SIRPG: variants seen among roughly 807,000 people sequenced by gnomAD.
SIRPG encodes the protein signal-regulatory protein gamma.
Under a neutral mutation model 35.7 loss-of-function variants are expected in SIRPG, and 38 were observed. That is an observed-to-expected ratio of 1.06 (90% CI 0.82 to 1.40). The LOEUF (loss-of-function observed/expected upper bound fraction) is 1.40, where lower values mean the gene tolerates loss of function less well. SIRPG is among the 40% of genes most tolerant of loss of function. The pLI, the probability that SIRPG is intolerant of heterozygous loss-of-function variation, is 0.00. For missense variants in SIRPG, 519 were observed against 483.0 expected (o/e 1.07, Z -0.70); for synonymous variants, 215 against 190.4 (o/e 1.13, Z -1.06).
the SIRPG span, among the ~76,000 whole-genome samples, chr20:1,677,858 A>G: frequency 6.6e-6 from 1 of 152,330 alleles, no homozygotes; most frequent in Middle Eastern, 3.4e-3. Context: ...CATGCCATAT[A>G]TCGACAACTA....
At chr20:1,654,246 A>AC in intron 1 of SIRPG, among the ~76,000 whole-genome samples, 1 of 151,972 alleles carries the variant, frequency 6.6e-6, no homozygotes, top group East Asian at 1.9e-4. Flanking sequence ...TAAAAAAAAA[A>AC]AAAAAAAGAA....
intron 2 of SIRPG, among the ~76,000 whole-genome samples, chr20:1,645,518 C>T (rs1395703875): frequency 1.3e-5 from 2 of 152,124 alleles, no homozygotes; most frequent in African/African-American, 2.4e-5. Context: ...GAGCACTGGC[C>T]CACCTGAGAT....
At chr20:1,681,237 A>C in the SIRPG span, among the ~76,000 whole-genome samples, 1 of 152,202 alleles carries the variant, frequency 6.6e-6, no homozygotes. Flanking sequence ...ACACCCCTGC[A>C]CACACTCATA....
At chr20:1,647,889 T>C (rs894635432) in intron 2 of SIRPG, 2 of 152,188 alleles carry the variant, frequency 1.3e-5, no homozygotes, top group Non-Finnish European at 2.9e-5. Flanking sequence ...CATGGTTCTG[T>C]TTGAGGAGCT....
At chr20:1,638,563 AT>A (rs2091823250) in intron 2 of SIRPG, 1 of 152,166 alleles carries the variant, frequency 6.6e-6, no homozygotes, top group African/African-American at 2.4e-5. Flanking sequence ...AGCTGGAAGC[AT>A]TTTGGAAGGA....
At chr20:1,683,090 C>T in the SIRPG span, among the ~76,000 whole-genome samples, 2 of 152,128 alleles carry the variant, frequency 1.3e-5, no homozygotes. Flanking sequence ...GGGCCAAAGA[C>T]CTGAATAGAC....
intron 1 of SIRPG, among the ~76,000 whole-genome samples, chr20:1,651,793 G>T (rs1404184690): frequency 6.6e-6 from 1 of 151,896 alleles, no homozygotes; most frequent in African/African-American, 2.4e-5. Context: ...TTGGAGTGCT[G>T]CCAAGACTCT....
chr20:1,683,965 G>A, the SIRPG span, among the ~76,000 whole-genome samples: 31 of 126,868 alleles, frequency 2.4e-4, no homozygotes, highest in African/African-American at 6.4e-4. Flanking sequence ...GTGAAACACC[G>A]TCTCAAAAAA....
the SIRPG span, among the ~76,000 whole-genome samples, chr20:1,683,842 A>G: frequency 1.3e-5 from 2 of 152,034 alleles, no homozygotes; most frequent in Admixed American, 6.5e-5. Flanking sequence ...GGTGGCGGAC[A>G]TCTGTAATCC....
chr20:1,649,337 C>A lies in SIRPG; in HGVS notation c.145G>T (p.Ala49Ser). The change falls in exon 2 of 6, where the codon GCC becomes TCC. Residue 49 changes from alanine (A) to serine (S), a missense_variant. Coordinates refer to ENST00000303415, the MANE Select transcript of SIRPG (RefSeq NM_018556.4). ...GAGGTCACAGTGCAGTGCAGAGTGG[C>A]TGTCTTTCCAACTGTGACCAACAGG... ...KLLLVTVGKT[A>S]TLHCTVTSLL... The A allele has an allele frequency of 6.2e-7, 1 of 1,614,100 alleles. No individual in the cohort carries two copies. Among genetic ancestry groups the A allele is most frequent in the Non-Finnish European group, 8.5e-7 (1 of 1,180,018 alleles).
chr20:1,662,554 A>G (rs1403033954), upstream of SIRPG, among the ~76,000 whole-genome samples: 1 of 152,218 alleles, frequency 6.6e-6, no homozygotes. Flanking sequence ...AAATAAAACA[A>G]TTTAACTCTC....
chr20:1,643,599 GT>G (rs1230976177), intron 2 of SIRPG, among the ~76,000 whole-genome samples: 1 of 152,124 alleles, frequency 6.6e-6, no homozygotes, highest in Non-Finnish European at 1.5e-5. Context: ...CCTTTGTCCA[GT>G]TTTGCACCCC....
intron 1 of SIRPG, among the ~76,000 whole-genome samples, chr20:1,655,987 T>C (rs1163438567): frequency 6.6e-6 from 1 of 152,188 alleles, no homozygotes; most frequent in Non-Finnish European, 1.5e-5. Flanking sequence ...CTTATCATGT[T>C]AGTATATAAG....
At chr20:1,672,302 A>G in the SIRPG span, among the ~76,000 whole-genome samples, 6 of 152,324 alleles carry the variant, frequency 3.9e-5, no homozygotes, top group East Asian at 1.2e-3. Context: ...TCTCTGAGGT[A>G]TTTATGAATT....
chr20:1,637,332 A>G, intron 2 of SIRPG: 1 of 209,536 alleles, frequency 4.8e-6, no homozygotes, highest in Non-Finnish European at 1.0e-5. Flanking sequence ...GACCTGGATA[A>G]CAATGGACTG....
intron 4 of SIRPG, 29 bp downstream of exon 4, chr20:1,635,238 C>T (rs2091787236): frequency 3.9e-6 from 6 of 1,548,944 alleles, no homozygotes; most frequent in Admixed American, 2.0e-5. Context: ...GAGAAAAAGA[C>T]AAAATTTAAA....
At chr20:1,684,233 A>G in the SIRPG span, among the ~76,000 whole-genome samples, 1 of 152,202 alleles carries the variant, frequency 6.6e-6, no homozygotes, top group African/African-American at 2.4e-5. Flanking sequence ...GCTCAAATTA[A>G]TCATGTACAC....
chr20:1,659,019 T>C (rs535347987), upstream of SIRPG, among the ~76,000 whole-genome samples: 8 of 152,344 alleles, frequency 5.3e-5, no homozygotes, highest in Middle Eastern at 3.4e-3. Flanking sequence ...TTTGATTGTA[T>C]GTAAATAAAT....
the SIRPG span, among the ~76,000 whole-genome samples, chr20:1,668,198 CTTT>C: frequency 2.9e-3 from 63 of 21,392 alleles, no homozygotes; most frequent in African/African-American, 6.1e-3. Flanking sequence ...TTTTTCTTTT[CTTT>C]TCTTTCTTTC....
Sources: gnomAD v4.1 joint callset for allele counts (sites outside exome capture counted in the v4.1 genomes callset) on GRCh38, gnomAD v4.1.1 for gene constraint, MANE v1.5 for transcripts, NCBI Gene and HGNC (gene_info 2026-07-23, HGNC 2026-07-21) for gene names.